SLC35F3: variants seen among roughly 807,000 people sequenced by gnomAD.
SLC35F3 encodes the protein solute carrier family 35 member F3, also known as putative thiamine transporter SLC35F3.
In SLC35F3, 25 loss-of-function variants were observed where a neutral mutation model predicts 49.9. The observed-to-expected ratio is 0.50, with a 90% CI of 0.37 to 0.70. The LOEUF (loss-of-function observed/expected upper bound fraction) is 0.70. Among genes scored for constraint, SLC35F3 ranks in the 30% least tolerant of loss-of-function variants. SLC35F3 has a pLI of 0.00. For missense variants in SLC35F3, 525 were observed against 639.8 expected, an observed-to-expected ratio of 0.82 and a Z score of 1.94; for synonymous variants, 275 against 265.4, an observed-to-expected ratio of 1.04 and a Z score of -0.35.
At position 234,320,638 on chromosome 1, in the gene SLC35F3, G is replaced by A; in HGVS notation, c.1237+451G>A. Among the ~76,000 whole-genome samples the A allele has an allele frequency of 6.6e-6, 1 of 152,134 alleles. No individual in the cohort carries two copies. Among genetic ancestry groups the A allele is most frequent in the East Asian group, 1.9e-4 (1 of 5,188 alleles). ...TTCTGGGGGAGAAAATTTGCTCAAGGCATGAGGTAGAAACATGCTGACAAG... is the reference window on the plus strand; with the variant it reads ...TTCTGGGGGAGAAAATTTGCTCAAGACATGAGGTAGAAACATGCTGACAAG... On this transcript the variant is annotated intron_variant, in intron 7 of 7. Coordinates refer to ENST00000366618, the MANE Select transcript of SLC35F3 (RefSeq NM_173508.4). This position sits in a 1 kb window ranked among gnomAD's most constrained non-coding sequence, Gnocchi z 4.8.
chr1:234,070,081 C>T (rs1664690183), intron 2 of SLC35F3, among the ~76,000 whole-genome samples: 4 of 152,180 alleles, frequency 2.6e-5, no homozygotes, highest in Admixed American at 2.6e-4. Flanking sequence ...ACGTGCAGAG[C>T]CAAAGAAGCC....
At position 234,258,651 on chromosome 1, in the gene SLC35F3, T is replaced by G. The variant is rs550562466; in HGVS notation, c.608+26910T>G. On this transcript the variant is annotated intron_variant, in intron 3 of 7. Transcript: ENST00000366618. ...TAAGGTTAAACTATAAACTAAATTC[T>G]TCCCATAGCTATCTTGGCCTATGCC... Among the ~76,000 whole-genome samples the G allele has an allele frequency of 1.3e-4, 20 of 152,362 alleles. 1 individual carries two copies. Among genetic ancestry groups the G allele is most frequent in the Admixed American group, 1.2e-3 (18 of 15,298 alleles).
rs898041195 is a variant in SLC35F3 at position 233,908,536 on chromosome 1, CTTT to C, written c.283+2801_283+2803del. ...AGACAAGAGAATTTTGTAAAGGATT[CTTT>C]TTTTTTTTTTTTTTTTTTTTTTGAC... On this transcript the variant is annotated intron_variant, in intron 2 of 7. Coordinates refer to ENST00000366618, the MANE Select transcript of SLC35F3 (RefSeq NM_173508.4). 5.4e-4 allele frequency among the ~76,000 whole-genome samples: 46 copies of C among 84,888 alleles called. No individual in the cohort carries two copies. In the East Asian group the frequency reaches 6.1e-3, roughly 11 times the overall value. The allele number at this position is 84,888 out of a possible 152,430, so 55.7% of individuals were successfully genotyped here. A position where few individuals can be genotyped will look rare whatever the true frequency, so the allele number is the denominator to read the frequency against.
At chr1:234,069,093 AT>A (rs1206460081) in intron 2 of SLC35F3, among the ~76,000 whole-genome samples, 12 of 125,570 alleles carry the variant, frequency 9.6e-5, no homozygotes, top group African/African-American at 2.4e-4. Flanking sequence ...TATATTATAT[AT>A]TATATTATAA....
chr1:233,931,255 A>C (rs550446656), intron 2 of SLC35F3, among the ~76,000 whole-genome samples: 1 of 152,348 alleles, frequency 6.6e-6, no homozygotes, highest in East Asian at 1.9e-4. Flanking sequence ...AAACACCAAA[A>C]GCAATGGCAA....
At chr1:234,210,230 A>G (rs1361166945) in intron 2 of SLC35F3, among the ~76,000 whole-genome samples, 1 of 152,222 alleles carries the variant, frequency 6.6e-6, no homozygotes, top group African/African-American at 2.4e-5. Context: ...ACATGGAAAT[A>G]TAAGTCCATT....
At chr1:234,278,064 G>A (rs912950295) in intron 3 of SLC35F3, among the ~76,000 whole-genome samples, 2 of 152,062 alleles carry the variant, frequency 1.3e-5, no homozygotes, top group African/African-American at 4.8e-5. Flanking sequence ...ATAGAGGCAT[G>A]CGCCTGTGGT....
chr1:234,130,714 A>G (rs1348320248), intron 2 of SLC35F3, among the ~76,000 whole-genome samples: 1 of 151,958 alleles, frequency 6.6e-6, no homozygotes, highest in Non-Finnish European at 1.5e-5. Context: ...ACTCTCATAC[A>G]CTGCTGGTAG....
intron 3 of SLC35F3, among the ~76,000 whole-genome samples, chr1:234,295,319 A>G (rs1668574698): frequency 1.3e-5 from 2 of 152,252 alleles, no homozygotes; most frequent in Admixed American, 1.3e-4. Flanking sequence ...TCTGTGGGGT[A>G]GCTCTGTGAG....
At chr1:233,906,210 T>C (rs1267353258) in intron 2 of SLC35F3, among the ~76,000 whole-genome samples, 2 of 152,182 alleles carry the variant, frequency 1.3e-5, no homozygotes, top group East Asian at 3.9e-4. Flanking sequence ...CTAGCCCTGA[T>C]GATAGAGGAC....
intron 2 of SLC35F3, among the ~76,000 whole-genome samples, chr1:234,054,864 G>A (rs992181593): frequency 2.0e-5 from 3 of 152,222 alleles, no homozygotes; most frequent in African/African-American, 7.2e-5. Context: ...CCTTCTAACA[G>A]TCAGGACCCT....
intron 3 of SLC35F3, among the ~76,000 whole-genome samples, chr1:234,294,666 C>T (rs573451848): frequency 1.4e-4 from 22 of 152,324 alleles, no homozygotes; most frequent in East Asian, 1.9e-4. Flanking sequence ...TCTGCCTAAA[C>T]GTCAAGCGCT....
intron 3 of SLC35F3, among the ~76,000 whole-genome samples, chr1:234,248,150 A>AGTTGGCTGGTGCATCATTTG (rs1572114094): frequency 2.2e-5 from 2 of 92,858 alleles, no homozygotes; most frequent in Non-Finnish European, 2.5e-5. Flanking sequence ...TCCATTGTTC[A>AGTTGGCTGGTGCATCATTTG]GTGGGTTGGT....
intron 2 of SLC35F3, among the ~76,000 whole-genome samples, chr1:234,029,529 A>G (rs1490535744): frequency 6.6e-6 from 1 of 152,196 alleles, no homozygotes; most frequent in Non-Finnish European, 1.5e-5. Flanking sequence ...GGCCTTCCAG[A>G]AAGCTAGATG....
chr1:234,085,775 G>A (rs972645549), intron 2 of SLC35F3, among the ~76,000 whole-genome samples: 4 of 152,128 alleles, frequency 2.6e-5, no homozygotes, highest in African/African-American at 9.7e-5. Flanking sequence ...TCTTGGTCCT[G>A]TAAAGAGTTT....
At chr1:234,197,906 A>C (rs1158429360) in intron 2 of SLC35F3, among the ~76,000 whole-genome samples, 2 of 152,258 alleles carry the variant, frequency 1.3e-5, no homozygotes, top group East Asian at 3.8e-4. Context: ...CACCTGAACA[A>C]CACCTACATT....
At chr1:233,949,340 G>T (rs1285332216) in intron 2 of SLC35F3, among the ~76,000 whole-genome samples, 1 of 152,176 alleles carries the variant, frequency 6.6e-6, no homozygotes, top group Non-Finnish European at 1.5e-5. Flanking sequence ...TGCCAGGAGT[G>T]CTGGGCCTGA....
intron 2 of SLC35F3, among the ~76,000 whole-genome samples, chr1:234,199,115 C>G (rs1666858764): frequency 6.6e-6 from 1 of 151,792 alleles, no homozygotes; most frequent in Non-Finnish European, 1.5e-5. Flanking sequence ...ATAGTCCCAG[C>G]TACTCTGGAG....
At chr1:233,991,555 CT>C (rs1663355266) in intron 2 of SLC35F3, among the ~76,000 whole-genome samples, 1 of 152,118 alleles carries the variant, frequency 6.6e-6, no homozygotes, top group Admixed American at 6.5e-5. Context: ...TCTTGGATTA[CT>C]CTCTCCTGTC....
Sources: allele counts gnomAD v4.1 joint callset (sites outside exome capture counted in the v4.1 genomes callset), GRCh38; gene constraint gnomAD v4.1.1; non-coding constraint Gnocchi (gnomAD v3.1); transcripts MANE v1.5; gene names NCBI Gene and HGNC (gene_info 2026-07-23, HGNC 2026-07-21).